Variants in ZNF267 observed in about 807,000 individuals in gnomAD.
The protein encoded by ZNF267 is zinc finger protein 267, also known as zinc finger (C2H2).
In ZNF267, 61 loss-of-function variants were observed where a neutral mutation model predicts 71.6. The ratio of observed to expected loss-of-function variants is 0.85; its 90% CI spans 0.69 to 1.05. The LOEUF (loss-of-function observed/expected upper bound fraction) is 1.05, where lower values mean the gene tolerates loss of function less well. ZNF267 is among the 50% of genes least tolerant of loss of function. The probability of loss-of-function intolerance (pLI) is 0.00; values close to 1 mark genes in which losing one functional copy is unlikely to be tolerated. For missense variants in ZNF267, 852 were observed against 870.0 expected, an observed-to-expected ratio of 0.98 and a Z score of 0.26; for synonymous variants, 288 against 293.2, an observed-to-expected ratio of 0.98 and a Z score of 0.18.
intron 3 of ZNF267, among the ~76,000 whole-genome samples, chr16:31,893,005 A>G (rs1177737870): frequency 1.3e-5 from 2 of 152,184 alleles, no homozygotes; most frequent in East Asian, 3.9e-4. Flanking sequence ...GGGGGCTCCA[A>G]TTCCACATTT....
intron 3 of ZNF267, among the ~76,000 whole-genome samples, chr16:31,908,219 C>T (rs1329812659): frequency 1.3e-5 from 2 of 152,136 alleles, no homozygotes; most frequent in African/African-American, 4.8e-5. Flanking sequence ...AATGTCCCTT[C>T]AAATCTTGTG....
intron 1 of ZNF267, among the ~76,000 whole-genome samples, chr16:31,879,479 TTTC>T (rs2083875331): frequency 1.3e-5 from 2 of 152,210 alleles, no homozygotes; most frequent in South Asian, 4.1e-4. Context: ...ATTTTATGAT[TTTC>T]TTCTTCATTA....
rs1303171633 is a variant in ZNF267, at chr16:31,873,959, G to T, written c.-8G>T. On this transcript the variant is annotated 5_prime_UTR_variant, in exon 1 of 4. Coordinates refer to ENST00000300870, the MANE Select transcript of ZNF267 (RefSeq NM_003414.6). Reference sequence around the variant, plus strand: ...GCTAAGACGCCAGGGCATCCCGGAAGCTGGGAAATGGTGAGTGTGCGGGGT... The same window carrying T: ...GCTAAGACGCCAGGGCATCCCGGAATCTGGGAAATGGTGAGTGTGCGGGGT... 2 of 1,613,580 alleles carry T rather than the reference G, an allele frequency of 1.2e-6. No individual in the cohort carries two copies. The highest frequency in any genetic ancestry group is 2.7e-5 in the African/African-American group (2 of 74,892).
chr16:31,904,152 CAGTT>C (rs1197343808), intron 3 of ZNF267, among the ~76,000 whole-genome samples: 2 of 152,138 alleles, frequency 1.3e-5, no homozygotes, highest in African/African-American at 4.8e-5. Context: ...GTGTGAGAGA[CAGTT>C]TGTTATCATT....
intron 3 of ZNF267, chr16:31,894,660 T>C (rs2083984400): frequency 2.1e-6 from 1 of 483,624 alleles, no homozygotes; most frequent in Non-Finnish European, 4.1e-6. Context: ...GAGACTGCAC[T>C]TGTTTCTTCA....
chr16:31,905,860 C>G (rs995442808), intron 3 of ZNF267, among the ~76,000 whole-genome samples: 1 of 152,162 alleles, frequency 6.6e-6, no homozygotes, highest in African/African-American at 2.4e-5. Flanking sequence ...AGGAGAGGCA[C>G]TCTGATTTTT....
chr16:31,903,173 G>A (rs1203501392), intron 3 of ZNF267, among the ~76,000 whole-genome samples: 1 of 152,170 alleles, frequency 6.6e-6, no homozygotes, highest in African/African-American at 2.4e-5. Flanking sequence ...TTGATGTGTT[G>A]CTGGATTCGG....
At chr16:31,907,478 A>G (rs889905442) in intron 3 of ZNF267, among the ~76,000 whole-genome samples, 1 of 152,098 alleles carries the variant, frequency 6.6e-6, no homozygotes, top group African/African-American at 2.4e-5. Context: ...CATCTAGTGA[A>G]TCTTTAAATT....
At chr16:31,881,105 A>G (rs1195905073) in intron 1 of ZNF267, among the ~76,000 whole-genome samples, 2 of 152,228 alleles carry the variant, frequency 1.3e-5, no homozygotes, top group African/African-American at 4.8e-5. Context: ...CTTGTTAAAG[A>G]TAATTATGTA....
chr16:31,888,209 T>C (rs974313862), intron 3 of ZNF267, among the ~76,000 whole-genome samples: 4 of 152,100 alleles, frequency 2.6e-5, no homozygotes, highest in Non-Finnish European at 5.9e-5. Context: ...TTTGTATATT[T>C]TTGTGGCCTC....
intron 3 of ZNF267, among the ~76,000 whole-genome samples, chr16:31,887,379 CT>C (rs2083931308): frequency 6.6e-6 from 1 of 151,452 alleles, no homozygotes; most frequent in Admixed American, 6.6e-5. Flanking sequence ...TGTGCATACA[CT>C]TTTTTGTTTC....
chr16:31,882,120 T>C (rs4026654), intron 1 of ZNF267, among the ~76,000 whole-genome samples: 133,878 of 152,234 alleles, frequency 0.88, 60,383 homozygotes, highest in East Asian at 1. Flanking sequence ...TTAGGACCCA[T>C]ATCCCAGGGG....
Position 31,914,474 on chromosome 16 carries a change from A to G in ZNF267, c.227-2A>G. 1 of 1,561,214 alleles carries G rather than the reference A, an allele frequency of 6.4e-7. No individual in the cohort carries two copies. The highest frequency in any genetic ancestry group is 8.6e-7 in the Non-Finnish European group (1 of 1,158,618). On this transcript the variant is annotated splice_acceptor_variant, in intron 3 of 3. Coordinates refer to ENST00000300870, the MANE Select transcript of ZNF267 (RefSeq NM_003414.6). LOFTEE classifies it high-confidence loss of function. ...AATTCTTAAAATTTTTATATCTTTC[A>G]GATGTGTTTTCGCATTATAACAAGG...
chr16:31,881,670 CTTT>C (rs747627467), intron 1 of ZNF267, among the ~76,000 whole-genome samples: 3 of 125,508 alleles, frequency 2.4e-5, no homozygotes. Context: ...TTTTCTTCTT[CTTT>C]TTTTTTTTTT....
chr16:31,911,314 CTT>C (rs2084133526), intron 3 of ZNF267, among the ~76,000 whole-genome samples: 1 of 151,626 alleles, frequency 6.6e-6, no homozygotes, highest in African/African-American at 2.4e-5. Context: ...GGGCCTCTCT[CTT>C]TAGCTCTAAT....
intron 3 of ZNF267, chr16:31,912,874 CTTTG>C (rs1351160078): frequency 4.6e-5 from 7 of 152,016 alleles, no homozygotes; most frequent in Non-Finnish European, 1.0e-4. Flanking sequence ...ATTTCAACCT[CTTTG>C]TTTGATTTAT....
chr16:31,882,995 C>T (rs983300793), intron 1 of ZNF267, among the ~76,000 whole-genome samples: 1 of 152,148 alleles, frequency 6.6e-6, no homozygotes, highest in African/African-American at 2.4e-5. Flanking sequence ...AGTAAAGGCT[C>T]TCACATTTGT....
At chr16:31,903,863 T>C (rs1029972716) in intron 3 of ZNF267, among the ~76,000 whole-genome samples, 3 of 152,230 alleles carry the variant, frequency 2.0e-5, no homozygotes, top group African/African-American at 7.2e-5. Context: ...TCTCTAGTTC[T>C]TTTAATTGTG....
At position 31,915,591 on chromosome 16, in the gene ZNF267, A is replaced by G. The variant is rs1453794440; in HGVS notation, c.1342A>G (p.Ser448Gly). The change falls in exon 4 of 4, where the codon AGT (serine) becomes GGT (glycine). Residue 448 changes from serine to glycine, a missense_variant. Transcript: ENST00000300870. ...CKECGKAFNR[S>G]SCLTQHQTTH... is the part of the protein sequence containing the mutation. ...AGAATGTGGAAAAGCTTTTAACCGT[A>G]GTTCATGCCTTACTCAACATCAGAC... The G allele has an allele frequency of 8.1e-6, 13 of 1,613,596 alleles. No homozygotes were observed. Among genetic ancestry groups the G allele is most frequent in the Non-Finnish European group, 1.1e-5 (13 of 1,179,932 alleles).
Sources: gnomAD v4.1 joint callset for allele counts (sites outside exome capture counted in the v4.1 genomes callset) on GRCh38, gnomAD v4.1.1 for gene constraint, MANE v1.5 for transcripts, NCBI Gene and HGNC (gene_info 2026-07-23, HGNC 2026-07-21) for gene names.